ZFYVE28: variants seen among roughly 807,000 people sequenced by gnomAD.
ZFYVE28 encodes lateral signaling target protein 2 homolog.
Under a neutral mutation model 82.1 loss-of-function variants are expected in ZFYVE28, and 40 were observed. The ratio of observed to expected loss-of-function variants is 0.49; its 90% CI spans 0.38 to 0.63. The LOEUF (loss-of-function observed/expected upper bound fraction) is 0.63. Among genes scored for constraint, ZFYVE28 ranks in the 30% least tolerant of loss-of-function variants. ZFYVE28 has a pLI of 0.00. For missense variants in ZFYVE28, 1,321 were observed against 1,242.1 expected, an observed-to-expected ratio of 1.06 and a Z score of -0.96; for synonymous variants, 612 against 546.1, an observed-to-expected ratio of 1.12 and a Z score of -1.68.
chr4:2,318,595 G>T (rs1313378362), intron 7 of ZFYVE28, among the ~76,000 whole-genome samples: 1 of 152,204 alleles, frequency 6.6e-6, no homozygotes, highest in African/African-American at 2.4e-5. Context: ...GATTCTCACT[G>T]TTTTCCCTGG....
At chr4:2,378,994 T>G (rs1728451315) in intron 1 of ZFYVE28, among the ~76,000 whole-genome samples, 1 of 152,184 alleles carries the variant, frequency 6.6e-6, no homozygotes, top group African/African-American at 2.4e-5. Context: ...CATCTGCACC[T>G]GGATGTTTCT....
chr4:2,401,852 C>T (rs1731220388), intron 1 of ZFYVE28, among the ~76,000 whole-genome samples: 1 of 152,300 alleles, frequency 6.6e-6, no homozygotes, highest in Admixed American at 6.5e-5. Context: ...GGCCCAAGAC[C>T]TGGGCTGCGT....
At position 2,332,389 on chromosome 4, in the gene ZFYVE28, G is replaced by A. The variant is rs1477926828; in HGVS notation, c.701+3316C>T. ...CTGAGCATACACCACCTGCACCAACGTGCCCCTGCCTGCCACCTGCACAGC... is the reference window on the plus strand; with the variant it reads ...CTGAGCATACACCACCTGCACCAACATGCCCCTGCCTGCCACCTGCACAGC... On this transcript the variant is annotated intron_variant, in intron 6 of 12. Transcript: ENST00000290974. The surrounding 1 kb of genome is among the most constrained non-coding windows in gnomAD (Gnocchi z 4.7). Among the ~76,000 whole-genome samples, 1 of 152,100 alleles carries A rather than the reference G, an allele frequency of 6.6e-6. No individual in the cohort carries two copies. Among genetic ancestry groups the A allele is most frequent in the East Asian group, 1.9e-4 (1 of 5,200 alleles).
Position 2,323,430 on chromosome 4 carries a change from T to G in ZFYVE28, c.702-3159A>C, listed in dbSNP as rs539633776. 3.3e-5 allele frequency among the ~76,000 whole-genome samples: 5 copies of G among 152,362 alleles called. No homozygotes were observed. In the South Asian group the frequency reaches 8.3e-4, roughly 25 times the overall value. Reference sequence around the variant, plus strand: ...TTGTTGTTGAGTTGTAAGGGTTCTTTATATGTTCTGGACATTAAATCTTCA... The same window carrying G: ...TTGTTGTTGAGTTGTAAGGGTTCTTGATATGTTCTGGACATTAAATCTTCA... On this transcript the variant is annotated intron_variant, in intron 6 of 12. Coordinates refer to ENST00000290974, the MANE Select transcript of ZFYVE28 (RefSeq NM_020972.3).
At chr4:2,290,168 G>T (rs1051677539) in intron 8 of ZFYVE28, among the ~76,000 whole-genome samples, 3 of 152,160 alleles carry the variant, frequency 2.0e-5, no homozygotes, top group African/African-American at 4.8e-5. Flanking sequence ...TCTCCTCAGG[G>T]GACAAGGCCG....
At chr4:2,308,677 G>GAAAGAAAA (rs1176221450) in intron 7 of ZFYVE28, among the ~76,000 whole-genome samples, 3 of 76,488 alleles carry the variant, frequency 3.9e-5, no homozygotes, top group Non-Finnish European at 7.6e-5. Context: ...AAGAAAGAAA[G>GAAAGAAAA]AGAAAGAAAG....
rs138304111 is a variant in ZFYVE28, at chr4:2,315,667, G to A, written c.803+4503C>T. On this transcript the variant is annotated intron_variant, in intron 7 of 12. Transcript: ENST00000290974. The stretch of plus-strand genomic sequence containing the variant: ...GAAGACAGCTATCCATCTTATGTTC[G>A]TTTCAAAGTAGTATGTCCTTTTTCT... 1.4e-4 allele frequency among the ~76,000 whole-genome samples: 21 copies of A among 152,236 alleles called. 1 individual carries two copies. The highest frequency in any genetic ancestry group is 1.3e-3 in the East Asian group (7 of 5,192).
At chr4:2,290,847 G>C (rs1713537958) in intron 8 of ZFYVE28, among the ~76,000 whole-genome samples, 1 of 152,210 alleles carries the variant, frequency 6.6e-6, no homozygotes, top group South Asian at 2.1e-4. Context: ...GCCCAGCCCT[G>C]CCTGGCCAAG....
chr4:2,402,209 AG>A (rs1430007191), intron 1 of ZFYVE28, among the ~76,000 whole-genome samples: 1 of 152,198 alleles, frequency 6.6e-6, no homozygotes, highest in African/African-American at 2.4e-5. Flanking sequence ...ACAGCGCTGC[AG>A]CTGGGAGCTC....
intron 2 of ZFYVE28, among the ~76,000 whole-genome samples, chr4:2,350,020 T>C (rs901514097): frequency 7.5e-6 from 1 of 134,102 alleles, no homozygotes; most frequent in Non-Finnish European, 1.6e-5. Flanking sequence ...GCTAGTTCAA[T>C]AGGGTGACAC....
chr4:2,360,127 G>C (rs1199417502), intron 1 of ZFYVE28, among the ~76,000 whole-genome samples: 2 of 152,046 alleles, frequency 1.3e-5, no homozygotes, highest in South Asian at 2.1e-4. Flanking sequence ...GCCTGCGCGT[G>C]GGAAAGGGGC....
At chr4:2,336,142 C>T (rs1439153908) in intron 5 of ZFYVE28, among the ~76,000 whole-genome samples, 1 of 152,202 alleles carries the variant, frequency 6.6e-6, no homozygotes, top group Non-Finnish European at 1.5e-5. Context: ...TCTGCTCAGC[C>T]AGGAGACCGA....
intron 7 of ZFYVE28, among the ~76,000 whole-genome samples, chr4:2,311,264 G>A (rs998695316): frequency 6.6e-6 from 1 of 151,916 alleles, no homozygotes; most frequent in Middle Eastern, 3.2e-3. Flanking sequence ...GATGGCTCAC[G>A]CTTATAATCC....
rs953912097 is a variant in ZFYVE28, at chr4:2,408,328, G to A, written c.39+9957C>T. Among the ~76,000 whole-genome samples the A allele has an allele frequency of 2.0e-5, 3 of 151,862 alleles. No individual in the cohort carries two copies. Among genetic ancestry groups the A allele is most frequent in the African/African-American group, 7.3e-5 (3 of 41,326 alleles). The stretch of plus-strand genomic sequence containing the variant: ...TTGAGATGTGACTCTGCTACTCCCC[G>A]CACCGAGAAGTGGAGGTGACAGCCC... On this transcript the variant is annotated intron_variant, in intron 1 of 12. Transcript: ENST00000290974. The surrounding 1 kb of genome is among the most constrained non-coding windows in gnomAD (Gnocchi z 4.3).
At chr4:2,393,913 C>T (rs1357569905) in intron 1 of ZFYVE28, among the ~76,000 whole-genome samples, 1 of 152,222 alleles carries the variant, frequency 6.6e-6, no homozygotes, top group African/African-American at 2.4e-5. Context: ...TCACATCTTA[C>T]AGTTCTGGAG....
intron 10 of ZFYVE28, among the ~76,000 whole-genome samples, chr4:2,272,512 G>A (rs573501566): frequency 6.6e-5 from 10 of 152,326 alleles, no homozygotes; most frequent in Admixed American, 1.3e-4. Context: ...GGGAGCGTAT[G>A]TGCACATGTG....
intron 4 of ZFYVE28, 66 bp from the exon 5 acceptor site, chr4:2,337,562 G>C (rs546971080): frequency 6.9e-6 from 9 of 1,306,050 alleles, no homozygotes; most frequent in South Asian, 2.9e-5. Context: ...AAAACAGAGT[G>C]GGGGGCATCT....
At chr4:2,305,967 G>A (rs888655113) in intron 7 of ZFYVE28, among the ~76,000 whole-genome samples, 1 of 152,230 alleles carries the variant, frequency 6.6e-6, no homozygotes, top group Non-Finnish European at 1.5e-5. Context: ...ACCAGGACAC[G>A]AGGAAGAAGG....
chr4:2,290,558 G>A (rs915637836), intron 8 of ZFYVE28, among the ~76,000 whole-genome samples: 6 of 152,170 alleles, frequency 3.9e-5, no homozygotes, highest in Non-Finnish European at 8.8e-5. Flanking sequence ...AAAGCCGGGG[G>A]CCATGGGGGC....
Sources: allele counts gnomAD v4.1 joint callset (sites outside exome capture counted in the v4.1 genomes callset), GRCh38; gene constraint gnomAD v4.1.1; non-coding constraint Gnocchi (gnomAD v3.1); transcripts MANE v1.5; gene names NCBI Gene and HGNC (gene_info 2026-07-23, HGNC 2026-07-21).